SBF2: variants seen among roughly 807,000 people sequenced by gnomAD.
SBF2 encodes the protein SET binding factor 2, also known as myotubularin-related protein 13.
Under a neutral mutation model 225.2 loss-of-function variants are expected in SBF2, and 112 were observed. The observed-to-expected ratio is 0.50, with a 90% CI of 0.43 to 0.58. The LOEUF (loss-of-function observed/expected upper bound fraction) is 0.58. Among genes scored for constraint, SBF2 ranks in the 20% least tolerant of loss-of-function variants. SBF2 has a pLI of 0.00. For synonymous variants in SBF2, 763 were observed against 773.3 expected (o/e 0.99, Z 0.22); for missense variants, 1,996 against 2,206.2 (o/e 0.90, Z 1.91).
chr11:9,826,727 ATATATGTGTGT>A, intron 28 of SBF2, among the ~76,000 whole-genome samples: 1 of 132,942 alleles, frequency 7.5e-6, no homozygotes, highest in African/African-American at 3.2e-5. Context: ...ATATATATAT[ATATATGTGTGT>A]GTGTGTGTGT....
chr11:9,870,822 A>C (rs925693041), intron 17 of SBF2, among the ~76,000 whole-genome samples: 1 of 151,978 alleles, frequency 6.6e-6, no homozygotes, highest in Non-Finnish European at 1.5e-5. Flanking sequence ...AAAAATACAA[A>C]AATTAGCTGG....
rs530840335 is a variant in SBF2, at chr11:9,839,107, T to C, written c.3455+391A>G. Reference sequence around the variant, plus strand: ...ACAAGAGACTCTATGGCTCATAAACTGAAAATATTTACCAACTGACCCTTT... The same window carrying C: ...ACAAGAGACTCTATGGCTCATAAACCGAAAATATTTACCAACTGACCCTTT... On this transcript the variant is annotated intron_variant, in intron 26 of 39. Transcript: ENST00000256190. 7 of 297,004 alleles carry C rather than the reference T, an allele frequency of 2.4e-5. No individual in the cohort carries two copies. The East Asian group carries it at 5.2e-4, about 22-fold the overall frequency. The allele number at this position is 297,004 out of a possible 1,614,324, so 18.4% of individuals were successfully genotyped here. A position where few individuals can be genotyped will look rare whatever the true frequency, so the allele number is the denominator to read the frequency against.
chr11:10,213,748 A>G (rs1798159022), intron 1 of SBF2, among the ~76,000 whole-genome samples: 1 of 152,194 alleles, frequency 6.6e-6, no homozygotes. Flanking sequence ...AAGAAGGGTT[A>G]CTTCTGCTGG....
chr11:10,069,231 G>T (rs1370449284), intron 2 of SBF2, among the ~76,000 whole-genome samples: 1 of 152,010 alleles, frequency 6.6e-6, no homozygotes, highest in Non-Finnish European at 1.5e-5. Context: ...TGTTACATAG[G>T]TATACATGTG....
chr11:10,258,109 C>CACACACA (rs1555098198), intron 1 of SBF2, among the ~76,000 whole-genome samples: 2 of 133,524 alleles, frequency 1.5e-5, no homozygotes, highest in Non-Finnish European at 3.2e-5. Context: ...CACACACACA[C>CACACACA]TTTTTTTTTT....
intron 1 of SBF2, among the ~76,000 whole-genome samples, chr11:10,284,621 C>G (rs1360292482): frequency 6.6e-6 from 1 of 151,892 alleles, no homozygotes; most frequent in Admixed American, 6.6e-5. Context: ...GGATCTTGTT[C>G]CATTACCCAG....
chr11:9,793,436 C>T (rs1852886841), intron 33 of SBF2, among the ~76,000 whole-genome samples: 1 of 152,042 alleles, frequency 6.6e-6, no homozygotes, highest in African/African-American at 2.4e-5. Context: ...GTCACCCAGG[C>T]TGGAGTGCAC....
intron 26 of SBF2, among the ~76,000 whole-genome samples, chr11:9,833,594 G>A (rs1855540933): frequency 6.6e-6 from 1 of 151,250 alleles, no homozygotes; most frequent in African/African-American, 2.4e-5. Flanking sequence ...CTAATTTTTT[G>A]TATTTTCAAT....
At chr11:10,060,015 G>A (rs930196582) in intron 2 of SBF2, among the ~76,000 whole-genome samples, 6 of 151,796 alleles carry the variant, frequency 4.0e-5, no homozygotes, top group South Asian at 4.2e-4. Context: ...AGCAGAAGAC[G>A]AGAAATAACA....
intron 28 of SBF2, among the ~76,000 whole-genome samples, chr11:9,822,292 G>T (rs1475733747): frequency 7.5e-6 from 1 of 134,194 alleles, no homozygotes; most frequent in Non-Finnish European, 1.5e-5. Flanking sequence ...ACGGAGTCTC[G>T]CTCTGTCACC....
At chr11:9,810,883 A>G (rs1854141217) in intron 30 of SBF2, 2 of 152,240 alleles carry the variant, frequency 1.3e-5, no homozygotes, top group South Asian at 4.1e-4. Flanking sequence ...AGGAATATAA[A>G]TTGTTCTACC....
chr11:10,169,379 T>G (rs185828205), intron 2 of SBF2, among the ~76,000 whole-genome samples: 1 of 152,252 alleles, frequency 6.6e-6, no homozygotes, highest in Admixed American at 6.5e-5. Context: ...CTTCTCTCTC[T>G]CTCTATGAGA....
Position 9,993,463 on chromosome 11 carries a change from G to GGCCT in SBF2, c.1054-364_1054-361dup, listed in dbSNP as rs775807665. 8.4e-4 allele frequency among the ~76,000 whole-genome samples: 128 copies of GGCCT among 152,218 alleles called. 1 individual carries two copies. The highest frequency in any genetic ancestry group is 2.5e-4 in the Non-Finnish European group (17 of 68,010). ...AATGCACTGAGCAAAATAAAAAAGG[G>GGCCT]GCCTCTGTTATATACGTAACCTTTT... On this transcript the variant is annotated intron_variant, in intron 10 of 39. Coordinates refer to ENST00000256190, the MANE Select transcript of SBF2 (RefSeq NM_030962.4).
chr11:9,960,791 C>T (rs1053974482), intron 16 of SBF2: 1 of 152,030 alleles, frequency 6.6e-6, no homozygotes, highest in African/African-American at 2.4e-5. Context: ...CAGCCTCCTG[C>T]GTAGCTGGGA....
chr11:9,994,396 A>G (rs1250322108), intron 9 of SBF2, among the ~76,000 whole-genome samples: 2 of 150,226 alleles, frequency 1.3e-5, no homozygotes, highest in Non-Finnish European at 3.0e-5. Flanking sequence ...AATGGCGTGA[A>G]CCCGGGAGGC....
At chr11:10,195,998 T>C (rs1025796414) in intron 1 of SBF2, among the ~76,000 whole-genome samples, 3 of 152,252 alleles carry the variant, frequency 2.0e-5, no homozygotes, top group East Asian at 3.9e-4. Flanking sequence ...AAAGACATAG[T>C]CCCTATCCTA....
intron 22 of SBF2, among the ~76,000 whole-genome samples, chr11:9,849,611 C>T (rs1473889322): frequency 6.6e-6 from 1 of 152,140 alleles, no homozygotes; most frequent in Non-Finnish European, 1.5e-5. Context: ...GCTGGACAAC[C>T]TTGTGATAGT....
intron 1 of SBF2, among the ~76,000 whole-genome samples, chr11:10,225,748 C>T (rs716804): frequency 0.42 from 63,170 of 151,714 alleles, 13,853 homozygotes; most frequent in Non-Finnish European, 0.48. Context: ...GGAAATTATT[C>T]TGACTTCTTC....
At position 9,781,504 on chromosome 11, in the gene SBF2, T is replaced by C. The variant is rs1852005024; in HGVS notation, c.5451+3A>G. ...CAGGAAAAGAGAAGTAAGATCAACT[T>C]ACATCAAAGAAAGCCTTGTCACTTG... is the stretch of plus-strand genomic sequence containing the variant. On this transcript the variant is annotated splice_donor_region_variant and intron_variant, in intron 39 of 39. Coordinates refer to ENST00000256190, the MANE Select transcript of SBF2 (RefSeq NM_030962.4). 1 of 1,614,160 alleles carries C rather than the reference T, an allele frequency of 6.2e-7. No homozygotes were observed. The highest frequency in any genetic ancestry group is 1.1e-5 in the South Asian group (1 of 91,084).
Sources: gnomAD v4.1 joint callset for allele counts (sites outside exome capture counted in the v4.1 genomes callset) on GRCh38, gnomAD v4.1.1 for gene constraint, MANE v1.5 for transcripts, NCBI Gene and HGNC (gene_info 2026-07-23, HGNC 2026-07-21) for gene names.